HSH2D: variants seen among roughly 807,000 people sequenced by gnomAD.
HSH2D encodes hematopoietic SH2 domain containing.
Under a neutral mutation model 21.5 loss-of-function variants are expected in HSH2D, and 16 were observed. The observed-to-expected ratio is 0.74, with a 90% confidence interval of 0.50 to 1.13. HSH2D has a LOEUF of 1.13. Among genes scored for constraint, HSH2D ranks in the 50% most tolerant of loss-of-function variants. HSH2D has a pLI of 0.00. For synonymous variants in HSH2D, 172 were observed against 184.7 expected (o/e 0.93, Z 0.56); for missense variants, 418 against 441.4 (o/e 0.95, Z 0.47).
Position 16,157,794 on chromosome 19 carries a change from G to A in HSH2D, c.1059G>A (p.Ter353=). 1 of 1,590,472 alleles carries A rather than the reference G, an allele frequency of 6.3e-7. No homozygotes were observed. ...CACCCTTTGCCCCTGGGTACTGCTA[G>A]AGAACAGGTCCACCCTGGCTCTGGG... is the stretch of plus-strand genomic sequence containing the variant. ...QPPPFAPGYC[*] is the part of the protein sequence containing the mutation. The change falls in exon 6 of 6, where the codon TAG becomes TAA. Residue 353 remains the stop codon, a stop_retained_variant. Coordinates refer to ENST00000613986, the MANE Select transcript of HSH2D (RefSeq NM_001382417.1). This position sits in a 1 kb window ranked among gnomAD's most constrained non-coding sequence, Gnocchi z 4.4.
chr19:16,141,447 C>A (rs2090999325), upstream of HSH2D, among the ~76,000 whole-genome samples: 1 of 152,158 alleles, frequency 6.6e-6, no homozygotes, highest in Non-Finnish European at 1.5e-5. Context: ...GAGCACACGG[C>A]CAGAGCTGGC....
intron 2 of HSH2D, chr19:16,151,450 C>A (rs1414751086): frequency 4.5e-6 from 2 of 443,554 alleles, no homozygotes; most frequent in Admixed American, 2.4e-5. Flanking sequence ...CTCACAGCAG[C>A]CTTGGAAGTG....
intron 5 of HSH2D, among the ~76,000 whole-genome samples, chr19:16,155,214 G>C (rs376432653): frequency 2.0e-5 from 3 of 152,140 alleles, no homozygotes; most frequent in African/African-American, 7.2e-5. Flanking sequence ...AGCAGGGGAA[G>C]TTATGACAGT....
intron 1 of HSH2D, among the ~76,000 whole-genome samples, chr19:16,136,046 C>T (rs945107418): frequency 6.6e-6 from 1 of 152,152 alleles, no homozygotes; most frequent in South Asian, 2.1e-4. Flanking sequence ...GTTTGGGAAC[C>T]CCCAGCCACA....
chr19:16,140,476 A>G (rs2090992567), upstream of HSH2D, among the ~76,000 whole-genome samples: 1 of 151,792 alleles, frequency 6.6e-6, no homozygotes, highest in South Asian at 2.1e-4. Context: ...GTGGTGGTGC[A>G]CACTTATAAT....
In HSH2D at chr19:16,135,495, G is replaced by A. The variant is rs1211329349; in HGVS notation, c.-324+1260G>A. ...AGGGATACAACTTACGCCCCTCACC[G>A]TGGGGCACAAGCCTCTACACGCTGC... On this transcript the variant is annotated intron_variant, in intron 1 of 7. Coordinates refer to the HSH2D transcript ENST00000616645. Among the ~76,000 whole-genome samples the A allele has an allele frequency of 4.0e-5, 6 of 151,622 alleles. 1 individual carries two copies. The East Asian group carries it at 5.8e-4, about 15-fold the overall frequency.
chr19:16,154,294 A>G lies in HSH2D; in HGVS notation c.382-105A>G, dbSNP rs531035962. On this transcript the variant is annotated intron_variant, in intron 4 of 5. Coordinates refer to ENST00000613986, the MANE Select transcript of HSH2D (RefSeq NM_001382417.1). ...CTTAGTGGGCGTGGCCTAGGTACTA[A>G]GAAACTGCTATTCAAGGGATGGTCC... 149 of 685,272 alleles carry G rather than the reference A, an allele frequency of 2.2e-4. No homozygotes were observed. The African/African-American group carries it at 2.4e-3, about 11-fold the overall frequency. The allele number at this position is 685,272 out of a possible 1,614,324, so 42.4% of individuals were successfully genotyped here.
upstream of HSH2D, among the ~76,000 whole-genome samples, chr19:16,140,329 A>T (rs2145013223): frequency 6.6e-6 from 1 of 151,696 alleles, no homozygotes; most frequent in African/African-American, 2.4e-5. Flanking sequence ...AAAATAAATA[A>T]ATAAATACTT....
intron 1 of HSH2D, among the ~76,000 whole-genome samples, chr19:16,144,056 G>T (rs1467898256): frequency 6.6e-6 from 1 of 152,092 alleles, no homozygotes; most frequent in African/African-American, 2.4e-5. Context: ...TGTGGGTAGC[G>T]GGGAAGTAGA....
chr19:16,140,399 G>T (rs747032623), upstream of HSH2D, among the ~76,000 whole-genome samples: 3 of 152,194 alleles, frequency 2.0e-5, no homozygotes, highest in Non-Finnish European at 4.4e-5. Flanking sequence ...GAGGTCAGGA[G>T]TTCAAGACCA....
upstream of HSH2D, among the ~76,000 whole-genome samples, chr19:16,140,138 G>C (rs2090990477): frequency 6.6e-6 from 1 of 151,842 alleles, no homozygotes. Flanking sequence ...GAGGATCAGA[G>C]AAGTGAAGTG....
chr19:16,154,390 G>T lies in HSH2D; in HGVS notation c.382-9G>T. 6.5e-7 allele frequency: 1 copy of T among 1,546,426 alleles called. No individual in the cohort carries two copies. Among genetic ancestry groups the T allele is most frequent in the Non-Finnish European group, 8.7e-7 (1 of 1,143,690 alleles). On this transcript the variant is annotated splice_polypyrimidine_tract_variant and intron_variant, in intron 4 of 5. Coordinates refer to ENST00000613986, the MANE Select transcript of HSH2D (RefSeq NM_001382417.1). ...TAGTGCTGAGCTACAGGCCCCTTCC[G>T]CCCTGCAGAAGGATCCCGCAAACGT...
At chr19:16,144,598 G>A (rs1249963126) in intron 1 of HSH2D, among the ~76,000 whole-genome samples, 13 of 151,382 alleles carry the variant, frequency 8.6e-5, no homozygotes, top group Admixed American at 8.6e-4. Context: ...GGGACAGAGA[G>A]CCATTAAGTG....
intron 1 of HSH2D, among the ~76,000 whole-genome samples, chr19:16,144,795 C>T (rs1199910827): frequency 4.2e-5 from 6 of 143,940 alleles, no homozygotes; most frequent in Non-Finnish European, 7.6e-5. Context: ...CGAGTTCACG[C>T]CATTCTCCTG....
At chr19:16,147,728 CT>C (rs1236660709) in intron 1 of HSH2D, among the ~76,000 whole-genome samples, 5 of 151,628 alleles carry the variant, frequency 3.3e-5, no homozygotes, top group Non-Finnish European at 5.9e-5. Context: ...TCACTGCAGC[CT>C]CCGCCTCCTG....
chr19:16,140,529 C>CG (rs1568326200), upstream of HSH2D, among the ~76,000 whole-genome samples: 6 of 151,838 alleles, frequency 4.0e-5, no homozygotes, highest in African/African-American at 1.5e-4. Context: ...CGCTTGAACC[C>CG]GGGAGGTGGA....
intron 1 of HSH2D, among the ~76,000 whole-genome samples, chr19:16,135,196 T>C (rs1158003478): frequency 6.6e-6 from 1 of 151,894 alleles, no homozygotes; most frequent in Non-Finnish European, 1.5e-5. Flanking sequence ...CGCTTGAACC[T>C]GGGAGGCAGA....
upstream of HSH2D, chr19:16,140,006 AGGTTGGG>A (rs2090989504): frequency 6.6e-6 from 1 of 152,154 alleles, no homozygotes; most frequent in South Asian, 2.1e-4. Context: ...AGGGGAAGCG[AGGTTGGG>A]CCGTTTGTGG....
chr19:16,143,719 C>T lies in HSH2D; in HGVS notation c.-83C>T. 2.2e-6 allele frequency: 1 copy of T among 454,194 alleles called. No individual in the cohort carries two copies. The allele number at this position is 454,194 out of a possible 1,614,324, so 28.1% of individuals were successfully genotyped here. ...CAGACCTTGAATCGAAACCCAGGCT[C>T]CTGCAGGCACTGGCACAGCTACAGC... is the stretch of plus-strand genomic sequence containing the variant. On this transcript the variant is annotated 5_prime_UTR_variant, in exon 1 of 6. Transcript: ENST00000613986.
Sources: allele counts gnomAD v4.1 joint callset (sites outside exome capture counted in the v4.1 genomes callset), GRCh38; gene constraint gnomAD v4.1.1; non-coding constraint Gnocchi (gnomAD v3.1); transcripts MANE v1.5; gene names NCBI Gene and HGNC (gene_info 2026-07-23, HGNC 2026-07-21).